The following NKAIN2 variants were observed in gnomAD, a reference collection of about 807,000 sequenced individuals.
NKAIN2 encodes sodium/potassium-transporting ATPase subunit beta-1-interacting protein 2.
A neutral mutation model predicts 32.6 loss-of-function variants in NKAIN2; 14 were observed. The observed-to-expected ratio is 0.43, with a 90% CI of 0.28 to 0.67. The LOEUF is 0.67. Ranked by LOEUF, NKAIN2 falls within the 30% of genes least tolerant of loss-of-function variation. The probability of loss-of-function intolerance (pLI) is 0.17; values close to 1 mark genes in which losing one functional copy is unlikely to be tolerated. For missense variants in NKAIN2, 198 were observed against 258.3 expected, an observed-to-expected ratio of 0.77 and a Z score of 1.60; for synonymous variants, 80 against 87.2, an observed-to-expected ratio of 0.92 and a Z score of 0.46.
chr6:124,225,006 C>T (rs949728602), intron 1 of NKAIN2, among the ~76,000 whole-genome samples: 10 of 151,880 alleles, frequency 6.6e-5, no homozygotes, highest in African/African-American at 2.4e-4. Context: ...GAAAACTTGC[C>T]CTCCAGGTTA....
At chr6:124,494,393 G>A (rs1454289957) in intron 3 of NKAIN2, among the ~76,000 whole-genome samples, 2 of 151,916 alleles carry the variant, frequency 1.3e-5, no homozygotes, top group African/African-American at 2.4e-5. Flanking sequence ...AAAGATAAGC[G>A]GCAGTATTTC....
At chr6:124,496,805 A>C (rs1778079519) in intron 3 of NKAIN2, among the ~76,000 whole-genome samples, 1 of 152,170 alleles carries the variant, frequency 6.6e-6, no homozygotes, top group Non-Finnish European at 1.5e-5. Context: ...AAATATGGAA[A>C]GATTATATTG....
intron 1 of NKAIN2, among the ~76,000 whole-genome samples, chr6:123,856,945 A>G (rs1775578355): frequency 6.6e-6 from 1 of 152,230 alleles, no homozygotes; most frequent in Admixed American, 6.5e-5. Flanking sequence ...AACATAAGAC[A>G]CAGTGGGGTT....
chr6:124,824,687 C>CA lies in NKAIN2; in HGVS notation c.*1460dup, dbSNP rs1434309835. On this transcript the variant is annotated 3_prime_UTR_variant, in exon 7 of 7. Coordinates refer to ENST00000368417, the MANE Select transcript of NKAIN2 (RefSeq NM_001040214.3). ...TTGGATACACCTGAGACATTAAACT[C>CA]AATTTTTTAAAACTAACACACCATT... 6.6e-6 allele frequency: 1 copy of CA among 152,110 alleles called. No individual in the cohort carries two copies. The highest frequency in any genetic ancestry group is 2.4e-5 in the African/African-American group (1 of 41,432). 9.4% of individuals were successfully genotyped at this position (152,110 alleles called of 1,614,324 possible).
chr6:124,560,702 C>A (rs1240352571), intron 3 of NKAIN2, among the ~76,000 whole-genome samples: 1 of 152,186 alleles, frequency 6.6e-6, no homozygotes, highest in Non-Finnish European at 1.5e-5. Context: ...CAATTATTAT[C>A]ATAATCCTAA....
intron 1 of NKAIN2, chr6:123,823,257 C>T (rs9482468): frequency 0.28 from 42,056 of 152,024 alleles, 8,357 homozygotes; most frequent in East Asian, 0.56. Flanking sequence ...AATTTGGAGA[C>T]AAAGAATTGG....
intron 3 of NKAIN2, among the ~76,000 whole-genome samples, chr6:124,552,836 AC>A (rs1333329554): frequency 6.6e-6 from 1 of 152,240 alleles, no homozygotes; most frequent in African/African-American, 2.4e-5. Context: ...TGGTCTCCAA[AC>A]TAGTACACAA....
intron 2 of NKAIN2, among the ~76,000 whole-genome samples, chr6:124,294,128 G>T (rs1261857089): frequency 6.6e-6 from 1 of 152,088 alleles, no homozygotes. Context: ...GGCTGTGTCT[G>T]GTTAGCTACT....
At chr6:124,134,605 A>G (rs1376001315) in intron 1 of NKAIN2, among the ~76,000 whole-genome samples, 4 of 152,058 alleles carry the variant, frequency 2.6e-5, no homozygotes, top group Non-Finnish European at 5.9e-5. Flanking sequence ...AGTTGCTTGA[A>G]CCCAGTAGGC....
intron 3 of NKAIN2, among the ~76,000 whole-genome samples, chr6:124,477,922 T>A (rs1777296391): frequency 6.6e-6 from 1 of 150,692 alleles, no homozygotes; most frequent in Non-Finnish European, 1.5e-5. Flanking sequence ...CATAACTCCC[T>A]GTCAATGCCA....
intron 2 of NKAIN2, among the ~76,000 whole-genome samples, chr6:124,347,189 T>G (rs1464715499): frequency 2.6e-5 from 4 of 152,258 alleles, no homozygotes; most frequent in African/African-American, 4.8e-5. Context: ...TTGTAGAGTT[T>G]CTGCTGAGAG....
chr6:124,793,470 G>A (rs1196568819), intron 5 of NKAIN2, among the ~76,000 whole-genome samples: 1 of 152,060 alleles, frequency 6.6e-6, no homozygotes, highest in Non-Finnish European at 1.5e-5. Flanking sequence ...CCCTGATGAA[G>A]GGGAAGTCCC....
At chr6:124,057,007 A>C (rs1231861755) in intron 1 of NKAIN2, among the ~76,000 whole-genome samples, 1 of 152,048 alleles carries the variant, frequency 6.6e-6, no homozygotes, top group Non-Finnish European at 1.5e-5. Context: ...TATACCTTCC[A>C]ATTAATTTGT....
chr6:123,874,877 C>T (rs1476972446), intron 1 of NKAIN2, among the ~76,000 whole-genome samples: 3 of 145,130 alleles, frequency 2.1e-5, no homozygotes, highest in Non-Finnish European at 3.0e-5. Context: ...GATCTTTTCT[C>T]GCTATTCCTA....
intron 1 of NKAIN2, among the ~76,000 whole-genome samples, chr6:123,954,968 T>C (rs1777498709): frequency 6.6e-6 from 1 of 151,506 alleles, no homozygotes. Flanking sequence ...ATTTGCAGGG[T>C]GTACTGAGCT....
intron 1 of NKAIN2, among the ~76,000 whole-genome samples, chr6:124,044,019 C>T (rs564744300): frequency 2.0e-5 from 3 of 152,032 alleles, no homozygotes; most frequent in East Asian, 1.9e-4. Context: ...TTGACTTAGG[C>T]GAGTGAGCAG....
At chr6:124,055,102 A>G (rs1164308785) in intron 1 of NKAIN2, among the ~76,000 whole-genome samples, 4 of 152,044 alleles carry the variant, frequency 2.6e-5, no homozygotes, top group Admixed American at 2.6e-4. Context: ...TATTGCTCAT[A>G]TTTTAAATAT....
At chr6:124,423,745 A>G (rs1774857195) in intron 3 of NKAIN2, among the ~76,000 whole-genome samples, 1 of 152,124 alleles carries the variant, frequency 6.6e-6, no homozygotes, top group Admixed American at 6.6e-5. Context: ...CATCCCTTTC[A>G]GGGGATGAAG....
chr6:124,171,715 TA>T (rs1788876099), intron 1 of NKAIN2, among the ~76,000 whole-genome samples: 1 of 151,602 alleles, frequency 6.6e-6, no homozygotes, highest in African/African-American at 2.4e-5. Flanking sequence ...CACGCCCGGC[TA>T]ATTTTTTTGT....
Sources: allele counts gnomAD v4.1 joint callset (sites outside exome capture counted in the v4.1 genomes callset), GRCh38; gene constraint gnomAD v4.1.1; transcripts MANE v1.5; gene names NCBI Gene and HGNC (gene_info 2026-07-23, HGNC 2026-07-21).